Variants in MED9 observed in about 807,000 individuals in gnomAD.
MED9 encodes mediator of RNA polymerase II transcription subunit 9.
A neutral mutation model predicts 13.2 loss-of-function variants in MED9; 8 were observed. That is an observed-to-expected ratio of 0.61 (90% confidence interval 0.36 to 1.10). MED9 has a LOEUF of 1.10. Among genes scored for constraint, MED9 ranks in the 50% least tolerant of loss-of-function variants. The pLI is 0.02. For missense variants in MED9, 180 were observed against 193.4 expected (o/e 0.93, Z 0.41); for synonymous variants, 87 against 82.8 (o/e 1.05, Z -0.28).
In MED9 at chr17:17,491,271, C is replaced by A; in HGVS notation, c.225-8C>A. ...CTGTGAATGCTAACAGCTGTTCTTC[C>A]CCCACAGCATGGACAAGGACAGCCC... is the stretch of plus-strand genomic sequence containing the variant. On this transcript the variant is annotated splice_region_variant and splice_polypyrimidine_tract_variant and intron_variant, in intron 1 of 1. Transcript: ENST00000268711. 2 of 1,609,966 alleles carry A rather than the reference C, an allele frequency of 1.2e-6. No individual in the cohort carries two copies. Among genetic ancestry groups the A allele is most frequent in the Non-Finnish European group, 1.7e-6 (2 of 1,177,468 alleles).
At chr17:17,489,599 C>A (rs949423126) in intron 1 of MED9, among the ~76,000 whole-genome samples, 1 of 152,160 alleles carries the variant, frequency 6.6e-6, no homozygotes, top group African/African-American at 2.4e-5. Flanking sequence ...TGGTTTCTGT[C>A]CACATTTGTG....
Position 17,477,105 on chromosome 17 carries a change from CAGCCGCTGCCTGACACCA to C in MED9, c.75_92del (p.Asp26_Pro31del), listed in dbSNP as rs775720042. 2.6e-5 allele frequency: 42 copies of C among 1,607,242 alleles called. No homozygotes were observed. The highest frequency in any genetic ancestry group is 8.9e-5 in the East Asian group (4 of 44,764). On this transcript the variant is annotated inframe_deletion, in exon 1 of 2. Coordinates refer to ENST00000268711, the MANE Select transcript of MED9 (RefSeq NM_018019.3). Reference sequence around the variant, plus strand: ...GGATGTATTGCCGCCAACGTCCGACCAGCCGCTGCCTGACACCAAGCCGCTGCCGCCTCCTCAGCCGCC... The same window carrying C: ...GGATGTATTGCCGCCAACGTCCGACCAGCCGCTGCCGCCTCCTCAGCCGCC...
At chr17:17,480,539 C>G (rs891816403) in intron 1 of MED9, among the ~76,000 whole-genome samples, 5 of 152,120 alleles carry the variant, frequency 3.3e-5, no homozygotes, top group South Asian at 2.1e-4. Context: ...GTCTGCAAGC[C>G]CAGCACCTGG....
chr17:17,491,590 C>A lies in MED9; in HGVS notation c.*95C>A. The A allele has an allele frequency of 8.4e-7, 1 of 1,189,344 alleles. No homozygotes were observed. Among genetic ancestry groups the A allele is most frequent in the Non-Finnish European group, 1.2e-6 (1 of 825,838 alleles). 73.7% of individuals were successfully genotyped at this position (1,189,344 alleles called of 1,614,324 possible). Reference sequence around the variant, plus strand: ...TCCTTGGGGCGTGGTTCCTGTGGACCCCAGCTCAGCTCGTCAAGCTGCAGG... The same window carrying A: ...TCCTTGGGGCGTGGTTCCTGTGGACACCAGCTCAGCTCGTCAAGCTGCAGG... On this transcript the variant is annotated 3_prime_UTR_variant, in exon 2 of 2. Transcript: ENST00000268711.
rs1567640837 is a variant in MED9, at chr17:17,491,461, AG to A, written c.408del (p.Ser137AlafsTer86). 1.2e-6 allele frequency: 2 copies of A among 1,613,988 alleles called. No homozygotes were observed. The highest frequency in any genetic ancestry group is 1.7e-6 in the Non-Finnish European group (2 of 1,179,934). ...AAGAATGAGCTTCTGCAAAAGTACAAGAGCCTCTGCATGTTCGAAATCCCCA... is the reference window on the plus strand; with the variant it reads ...AAGAATGAGCTTCTGCAAAAGTACAAAGCCTCTGCATGTTCGAAATCCCCA... ...RTKNELLQKY[K>X]SLCMFEIPKE On this transcript the variant is annotated frameshift_variant, in exon 2 of 2. Coordinates refer to ENST00000268711, the MANE Select transcript of MED9 (RefSeq NM_018019.3). LOFTEE classifies it high-confidence loss of function.
intron 1 of MED9, among the ~76,000 whole-genome samples, chr17:17,480,547 T>C (rs1905015603): frequency 6.6e-6 from 1 of 152,106 alleles, no homozygotes; most frequent in Non-Finnish European, 1.5e-5. Flanking sequence ...GCCCAGCACC[T>C]GGGCAGGCTG....
chr17:17,483,087 T>C lies in MED9; in HGVS notation c.224+5822T>C, dbSNP rs1377742202. Among the ~76,000 whole-genome samples the C allele has an allele frequency of 3.3e-5, 5 of 152,232 alleles. No homozygotes were observed. ...CAGCCTGCCTGATGCTAGATCATGA[T>C]GCTTTTGTTAATGGAACATTTCGTC... On this transcript the variant is annotated intron_variant, in intron 1 of 1. Transcript: ENST00000268711. The surrounding 1 kb of genome is among the most constrained non-coding windows in gnomAD (Gnocchi z 4.2).
At chr17:17,478,419 A>G (rs1354124230) in intron 1 of MED9, among the ~76,000 whole-genome samples, 4 of 152,238 alleles carry the variant, frequency 2.6e-5, no homozygotes, top group Non-Finnish European at 4.4e-5. Context: ...CTTGACTGTT[A>G]GTGGCCCACC....
Position 17,491,554 on chromosome 17 carries a change from T to C in MED9, c.*59T>C. The C allele has an allele frequency of 6.8e-7, 1 of 1,468,680 alleles. No individual in the cohort carries two copies. The highest frequency in any genetic ancestry group is 2.3e-5 in the East Asian group (1 of 44,010). The allele number at this position is 1,468,680 out of a possible 1,614,324, so 91.0% of individuals were successfully genotyped here. ...CCAATGGCCTGTCTCCCCACTACCATCCCCAAACGCTCCTTGGGGCGTGGT... is the reference window on the plus strand; with the variant it reads ...CCAATGGCCTGTCTCCCCACTACCACCCCCAAACGCTCCTTGGGGCGTGGT... On this transcript the variant is annotated 3_prime_UTR_variant, in exon 2 of 2. Transcript: ENST00000268711.
At chr17:17,488,649 C>T (rs934385710) in intron 1 of MED9, among the ~76,000 whole-genome samples, 2 of 152,116 alleles carry the variant, frequency 1.3e-5, no homozygotes, top group Non-Finnish European at 2.9e-5. Flanking sequence ...GCCTGGCCAA[C>T]GTGGAGAAAC....
chr17:17,480,755 A>G (rs1384296463), intron 1 of MED9, among the ~76,000 whole-genome samples: 5 of 152,352 alleles, frequency 3.3e-5, no homozygotes, highest in Non-Finnish European at 7.3e-5. Context: ...GTAGCCACAA[A>G]GGAATGGAGT....
chr17:17,485,592 G>C (rs1001871415), intron 1 of MED9: 1 of 355,240 alleles, frequency 2.8e-6, no homozygotes, highest in Non-Finnish European at 5.0e-6. Flanking sequence ...AGCGTGGCCA[G>C]TAGAGTGTGT....
At chr17:17,484,363 G>C (rs1455561527) in intron 1 of MED9, among the ~76,000 whole-genome samples, 1 of 152,244 alleles carries the variant, frequency 6.6e-6, no homozygotes, top group Non-Finnish European at 1.5e-5. Context: ...TGAGCACGCT[G>C]TCTGGCCCCT....
intron 1 of MED9, chr17:17,484,936 G>C (rs1324222376): frequency 6.5e-6 from 1 of 153,018 alleles, no homozygotes; most frequent in Non-Finnish European, 1.5e-5. Context: ...GCACTGGGGG[G>C]GTCTCCTTCA....
Position 17,477,081 on chromosome 17 carries a change from G to A in MED9, c.40G>A (p.Asp14Asn). The change falls in exon 1 of 2, where the codon GAT becomes AAT. Residue 14 changes from aspartate to asparagine, a missense_variant. Asp to Asn is a conservative substitution (Grantham distance 23, BLOSUM62 1). Coordinates refer to ENST00000268711, the MANE Select transcript of MED9 (RefSeq NM_018019.3). ...GGTGGCAGCCGGGCGACAGGCGGAG[G>A]ATGTATTGCCGCCAACGTCCGACCA... ...AGVAAGRQAE[D>N]VLPPTSDQPL... 6.2e-7 allele frequency: 1 copy of A among 1,607,332 alleles called. No homozygotes were observed. Among genetic ancestry groups the A allele is most frequent in the Non-Finnish European group, 8.5e-7 (1 of 1,179,600 alleles).
At chr17:17,490,256 T>C (rs1905205770) in intron 1 of MED9, among the ~76,000 whole-genome samples, 3 of 152,190 alleles carry the variant, frequency 2.0e-5, no homozygotes, top group Admixed American at 6.5e-5. Flanking sequence ...GCCAACATGG[T>C]GAAACCCTGT....
At chr17:17,479,472 C>G (rs906015446) in intron 1 of MED9, among the ~76,000 whole-genome samples, 5 of 150,450 alleles carry the variant, frequency 3.3e-5, no homozygotes, top group African/African-American at 9.8e-5. Flanking sequence ...GTGGGTTGAT[C>G]ACATGTGCTT....
At chr17:17,489,030 G>T (rs1014029574) in intron 1 of MED9, among the ~76,000 whole-genome samples, 2 of 152,122 alleles carry the variant, frequency 1.3e-5, no homozygotes, top group African/African-American at 2.4e-5. Context: ...TCGGTATTTG[G>T]TCCTGTCCCT....
intron 1 of MED9, 197 bp downstream of exon 1, chr17:17,477,462 A>G: frequency 1.7e-6 from 1 of 590,022 alleles, no homozygotes. Flanking sequence ...TTGAGCCTCG[A>G]GAGGTGCGAT....
Sources: allele counts gnomAD v4.1 joint callset (sites outside exome capture counted in the v4.1 genomes callset), GRCh38; gene constraint gnomAD v4.1.1; non-coding constraint Gnocchi (gnomAD v3.1); transcripts MANE v1.5; gene names NCBI Gene and HGNC (gene_info 2026-07-23, HGNC 2026-07-21).